VPS13B: variants seen among roughly 807,000 people sequenced by gnomAD.
VPS13B encodes the protein intermembrane lipid transfer protein VPS13B.
VPS13B carries 285 observed loss-of-function variants against 426.4 expected under a neutral mutation model. The observed-to-expected ratio is 0.67, with a 90% CI of 0.61 to 0.74. The LOEUF is 0.74. Ranked by LOEUF, VPS13B falls within the 30% of genes least tolerant of loss-of-function variation. VPS13B has a pLI of 0.00. For synonymous variants in VPS13B, 1,676 were observed against 1,676.4 expected (o/e 1.00, Z 0.01); for missense variants, 4,537 against 4,782.6 (o/e 0.95, Z 1.51).
In VPS13B at chr8:99,205,217, A is replaced by G. The variant is rs190450167; in HGVS notation, c.2515+12160A>G. On this transcript the variant is annotated intron_variant, in intron 17 of 61. Transcript: ENST00000357162. ...ATGGTTTTTGCAGGGAGATAGATGG[A>G]GCTAGAAACCATCATTCTCAGCAAA... Among the ~76,000 whole-genome samples, 258 of 152,292 alleles carry G rather than the reference A, an allele frequency of 1.7e-3. 1 individual carries two copies. Among genetic ancestry groups the G allele is most frequent in the Non-Finnish European group, 3.0e-3 (206 of 68,030 alleles).
At chr8:99,100,634 A>G (rs1331317450) in intron 4 of VPS13B, among the ~76,000 whole-genome samples, 3 of 152,300 alleles carry the variant, frequency 2.0e-5, no homozygotes, top group Admixed American at 1.3e-4. Context: ...GTAGTGTTCT[A>G]TCAGTTAAAA....
rs542191338 is a variant in VPS13B, at chr8:99,100,510, G to A, written c.413-2443G>A. Among the ~76,000 whole-genome samples, 17 of 152,014 alleles carry A rather than the reference G, an allele frequency of 1.1e-4. No homozygotes were observed. The South Asian group carries it at 3.1e-3, about 28-fold the overall frequency. ...TTACCATGTTGCCCAGGCTGATCTC[G>A]AACCCCTGAGCTCAAATGATCTGTC... On this transcript the variant is annotated intron_variant, in intron 4 of 61. Coordinates refer to ENST00000357162, the MANE Select transcript of VPS13B (RefSeq NM_152564.5).
intron 43 of VPS13B, among the ~76,000 whole-genome samples, chr8:99,791,947 G>A (rs575629236): frequency 6.6e-6 from 1 of 152,182 alleles, no homozygotes; most frequent in South Asian, 2.1e-4. Flanking sequence ...CTGCTAGAGT[G>A]TGAAGAGAAA....
At chr8:99,764,337 A>G (rs114612054) in intron 39 of VPS13B, among the ~76,000 whole-genome samples, 163 of 152,166 alleles carry the variant, frequency 1.1e-3, no homozygotes, top group African/African-American at 3.7e-3. Context: ...ACATAGGATT[A>G]ACCCACATGT....
chr8:99,039,161 G>C (rs191685866), intron 3 of VPS13B, among the ~76,000 whole-genome samples: 1 of 152,018 alleles, frequency 6.6e-6, no homozygotes, highest in African/African-American at 2.4e-5. Flanking sequence ...AATTGTGTCC[G>C]ATTTTTACAT....
At chr8:99,204,668 A>C (rs1254974588) in intron 17 of VPS13B, among the ~76,000 whole-genome samples, 1 of 152,252 alleles carries the variant, frequency 6.6e-6, no homozygotes, top group Non-Finnish European at 1.5e-5. Flanking sequence ...TACAAGAAAA[A>C]AAAACCCTAT....
At position 99,326,305 on chromosome 8, in the gene VPS13B, T is replaced by C. The variant is rs571547559; in HGVS notation, c.2824+51051T>C. ...CATTTTATGTTTGATATGTGTATCT[T>C]ATTTCCCAACTATATTCTAAGCTTA... On this transcript the variant is annotated intron_variant, in intron 19 of 61. Coordinates refer to ENST00000357162, the MANE Select transcript of VPS13B (RefSeq NM_152564.5). Among the ~76,000 whole-genome samples the C allele has an allele frequency of 3.3e-5, 5 of 152,234 alleles. No homozygotes were observed. The South Asian group carries it at 1.0e-3, about 32-fold the overall frequency.
In VPS13B at chr8:99,640,049, G is replaced by GAAGAAGAAGAAGAAGA. The variant is rs1299280170; in HGVS notation, c.5221-1761_5221-1760insAGAAGAAGAAGAAGAA. ...ATAAGAAGAAGAAGAAGAAGAAGAA[G>GAAGAAGAAGAAGAAGA]AGAAAAGAAAAGAAAAGAAAAGAAA... is the stretch of plus-strand genomic sequence containing the variant. On this transcript the variant is annotated intron_variant, in intron 33 of 61. Transcript: ENST00000357162. Among the ~76,000 whole-genome samples the GAAGAAGAAGAAGAAGA allele has an allele frequency of 6.0e-5, 6 of 99,722 alleles. 1 individual carries two copies. Among genetic ancestry groups the GAAGAAGAAGAAGAAGA allele is most frequent in the African/African-American group, 2.5e-4 (6 of 24,088 alleles). The allele number at this position is 99,722 out of a possible 152,430, so 65.4% of individuals were successfully genotyped here. A position where few individuals can be genotyped will look rare whatever the true frequency, so the allele number is the denominator to read the frequency against.
At chr8:99,729,880 T>C (rs1157924081) in intron 39 of VPS13B, among the ~76,000 whole-genome samples, 2 of 152,264 alleles carry the variant, frequency 1.3e-5, no homozygotes, top group Non-Finnish European at 2.9e-5. Context: ...ACTAGACTTT[T>C]GCTGCTTTAA....
At chr8:99,232,365 A>G (rs1189986637) in intron 17 of VPS13B, among the ~76,000 whole-genome samples, 1 of 152,168 alleles carries the variant, frequency 6.6e-6, no homozygotes. Context: ...CTGTTGATAT[A>G]CACAGATGAT....
chr8:99,705,843 G>C (rs1425709498), intron 36 of VPS13B, among the ~76,000 whole-genome samples: 5 of 152,062 alleles, frequency 3.3e-5, no homozygotes, highest in African/African-American at 4.8e-5. Context: ...ACTGGGTTGA[G>C]TTTCTGATGT....
At chr8:99,149,835 A>G (rs1810965479) in intron 14 of VPS13B, among the ~76,000 whole-genome samples, 1 of 152,160 alleles carries the variant, frequency 6.6e-6, no homozygotes, top group African/African-American at 2.4e-5. Context: ...CACAAACTCT[A>G]TTGTGAACTG....
chr8:99,212,876 A>G (rs1263996829), intron 17 of VPS13B, among the ~76,000 whole-genome samples: 1 of 152,062 alleles, frequency 6.6e-6, no homozygotes, highest in East Asian at 1.9e-4. Context: ...GTTCTTAACC[A>G]TATCAACCCC....
At chr8:99,085,410 T>C (rs561618550) in intron 3 of VPS13B, among the ~76,000 whole-genome samples, 18 of 152,366 alleles carry the variant, frequency 1.2e-4, no homozygotes, top group Admixed American at 2.0e-4. Flanking sequence ...CTTTATCCGA[T>C]TTGCCAGTCT....
In VPS13B at chr8:99,588,212, T is replaced by A. The variant is rs1438614216; in HGVS notation, c.5220+10579T>A. Among the ~76,000 whole-genome samples, 3 of 151,772 alleles carry A rather than the reference T, an allele frequency of 2.0e-5. No individual in the cohort carries two copies. In the East Asian group the frequency reaches 5.8e-4, roughly 29 times the overall value. On this transcript the variant is annotated intron_variant, in intron 33 of 61. Transcript: ENST00000357162. Reference sequence around the variant, plus strand: ...TGGTACCAGTACCATGCTGTTTTGGTTACTGTAGCCTTGTAGTATAGTTTG... The same window carrying A: ...TGGTACCAGTACCATGCTGTTTTGGATACTGTAGCCTTGTAGTATAGTTTG...
intron 2 of VPS13B, among the ~76,000 whole-genome samples, chr8:99,022,734 T>C (rs1356923820): frequency 6.6e-6 from 1 of 152,202 alleles, no homozygotes; most frequent in African/African-American, 2.4e-5. Flanking sequence ...TGTGAATTTG[T>C]GTATTTCTCA....
chr8:99,691,869 CA>C (rs1216272372), intron 35 of VPS13B, among the ~76,000 whole-genome samples: 3 of 142,162 alleles, frequency 2.1e-5, no homozygotes, highest in Non-Finnish European at 3.1e-5. Flanking sequence ...AAATGGAAAA[CA>C]AAAAAAGGCA....
intron 16 of VPS13B, among the ~76,000 whole-genome samples, chr8:99,180,153 A>C (rs1812869325): frequency 6.6e-6 from 1 of 152,206 alleles, no homozygotes; most frequent in African/African-American, 2.4e-5. Context: ...CTAGAAGATG[A>C]GATAATGTAA....
chr8:99,367,835 G>A (rs1365277921), intron 19 of VPS13B, among the ~76,000 whole-genome samples: 1 of 152,062 alleles, frequency 6.6e-6, no homozygotes, highest in African/African-American at 2.4e-5. Context: ...TGTGTTTTTA[G>A]TAGAGACAGG....
Sources: gnomAD v4.1 joint callset for allele counts (sites outside exome capture counted in the v4.1 genomes callset) on GRCh38, gnomAD v4.1.1 for gene constraint, MANE v1.5 for transcripts, NCBI Gene and HGNC (gene_info 2026-07-23, HGNC 2026-07-21) for gene names.